ELMO1: variants seen among roughly 807,000 people sequenced by gnomAD.
The protein encoded by ELMO1 is engulfment and cell motility 1.
ELMO1 carries 26 observed loss-of-function variants against 98.9 expected under a neutral mutation model. The ratio of observed to expected loss-of-function variants is 0.26; its 90% confidence interval spans 0.19 to 0.36. ELMO1 has a LOEUF of 0.36. ELMO1 is among the 10% of genes least tolerant of loss of function. ELMO1 has a pLI of 1.00. For synonymous variants in ELMO1, 346 were observed against 346.0 expected (o/e 1.00, Z 0.00); for missense variants, 627 against 935.2 (o/e 0.67, Z 4.30).
At chr7:36,982,147 G>A (rs1351351282) in intron 16 of ELMO1, among the ~76,000 whole-genome samples, 4 of 152,134 alleles carry the variant, frequency 2.6e-5, no homozygotes, top group Non-Finnish European at 5.9e-5. Context: ...GTTATTTATT[G>A]GAAAACTTTG....
intron 13 of ELMO1, among the ~76,000 whole-genome samples, chr7:37,193,955 T>A (rs568479142): frequency 6.6e-6 from 1 of 152,270 alleles, no homozygotes; most frequent in South Asian, 2.1e-4. Context: ...CAGCAACTTG[T>A]CCCTCTAAAT....
intron 16 of ELMO1, among the ~76,000 whole-genome samples, chr7:36,936,793 T>C (rs570794072): frequency 6.6e-6 from 1 of 152,342 alleles, no homozygotes; most frequent in South Asian, 2.1e-4. Context: ...GGTTTTCTGT[T>C]GCTTACAAAT....
intron 16 of ELMO1, among the ~76,000 whole-genome samples, chr7:36,994,524 TTC>T (rs1478530231): frequency 2.0e-5 from 3 of 152,260 alleles, no homozygotes; most frequent in Non-Finnish European, 4.4e-5. Flanking sequence ...TTCTGAGTAC[TTC>T]TGTCATTCTA....
chr7:36,942,678 T>C (rs1287881203), intron 16 of ELMO1, among the ~76,000 whole-genome samples: 1 of 152,218 alleles, frequency 6.6e-6, no homozygotes, highest in East Asian at 1.9e-4. Context: ...AAGCACTTGC[T>C]TTGATGGTGG....
chr7:37,187,740 T>C (rs527245317), intron 13 of ELMO1, among the ~76,000 whole-genome samples: 2 of 152,296 alleles, frequency 1.3e-5, no homozygotes, highest in Non-Finnish European at 2.9e-5. Context: ...TGCACTGAAA[T>C]GTGATAATTT....
At chr7:37,190,040 C>A (rs202053204) in intron 13 of ELMO1, among the ~76,000 whole-genome samples, 316 of 135,602 alleles carry the variant, frequency 2.3e-3, no homozygotes, top group Non-Finnish European at 2.5e-3. Context: ...TTGTCCCTAC[C>A]AAAAAAAAAA....
At chr7:37,303,740 A>C (rs759375388) in intron 4 of ELMO1, among the ~76,000 whole-genome samples, 6 of 152,210 alleles carry the variant, frequency 3.9e-5, no homozygotes, top group Non-Finnish European at 4.4e-5. Flanking sequence ...TCAGTACTTC[A>C]GTCAATCTAT....
At chr7:36,886,421 G>A (rs1441542792) in intron 18 of ELMO1, among the ~76,000 whole-genome samples, 3 of 152,156 alleles carry the variant, frequency 2.0e-5, no homozygotes, top group African/African-American at 4.8e-5. Context: ...GTAAATGGCC[G>A]GGGGATGAGT....
At chr7:37,128,521 T>G (rs1409506660) in intron 14 of ELMO1, among the ~76,000 whole-genome samples, 1 of 147,682 alleles carries the variant, frequency 6.8e-6, no homozygotes, top group Non-Finnish European at 1.5e-5. Context: ...CAATTCCTCC[T>G]CATGTTCTGT....
At chr7:36,913,639 C>T (rs925152276) in intron 16 of ELMO1, among the ~76,000 whole-genome samples, 3 of 152,210 alleles carry the variant, frequency 2.0e-5, no homozygotes, top group Admixed American at 6.5e-5. Context: ...ATGTGTTCTA[C>T]TAGCCCCACC....
intron 16 of ELMO1, among the ~76,000 whole-genome samples, chr7:36,928,811 G>T (rs1313833164): frequency 1.3e-5 from 2 of 152,210 alleles, no homozygotes; most frequent in African/African-American, 2.4e-5. Flanking sequence ...TCTTCCACTA[G>T]ATTAAATGTG....
In ELMO1 at chr7:37,339,251, G is replaced by A. The variant is rs536556183; in HGVS notation, c.78+3362C>T. 1.4e-4 allele frequency among the ~76,000 whole-genome samples: 22 copies of A among 152,344 alleles called. 1 individual carries two copies. The South Asian group carries it at 4.6e-3, about 32-fold the overall frequency. The stretch of plus-strand genomic sequence containing the variant: ...GGCCAGCAGAATCACAATCTCTGCA[G>A]CTGGGGCTGCATTTTGCACAAGCTG... On this transcript the variant is annotated intron_variant, in intron 2 of 21. Coordinates refer to ENST00000310758, the MANE Select transcript of ELMO1 (RefSeq NM_014800.11).
At chr7:37,210,054 A>T (rs1317257524) in intron 13 of ELMO1, among the ~76,000 whole-genome samples, 2 of 152,190 alleles carry the variant, frequency 1.3e-5, no homozygotes, top group Non-Finnish European at 2.9e-5. Flanking sequence ...TTAGGTTTTT[A>T]GGTTTTTTTA....
chr7:37,159,453 C>T (rs920277731), intron 13 of ELMO1, among the ~76,000 whole-genome samples: 10 of 152,150 alleles, frequency 6.6e-5, no homozygotes, highest in African/African-American at 2.4e-4. Flanking sequence ...GTAATTCCAG[C>T]ACTTTGGGAG....
chr7:37,139,073 C>T (rs1471238375), intron 13 of ELMO1, among the ~76,000 whole-genome samples: 1 of 152,028 alleles, frequency 6.6e-6, no homozygotes, highest in Non-Finnish European at 1.5e-5. Flanking sequence ...AGGGATATAC[C>T]TTAAGGTAAT....
intron 16 of ELMO1, chr7:36,919,547 C>T (rs1784973804): frequency 2.7e-6 from 1 of 368,370 alleles, no homozygotes; most frequent in African/African-American, 2.1e-5. Context: ...TGGCATCAAC[C>T]TTGCTGGGTT....
intron 16 of ELMO1, among the ~76,000 whole-genome samples, chr7:36,927,280 G>C (rs893174740): frequency 3.3e-5 from 5 of 152,140 alleles, no homozygotes; most frequent in Admixed American, 1.3e-4. Context: ...TAGCAAATGA[G>C]TTTAATGAAC....
intron 14 of ELMO1, among the ~76,000 whole-genome samples, chr7:37,102,618 C>A (rs1784699940): frequency 6.6e-6 from 1 of 152,210 alleles, no homozygotes; most frequent in Non-Finnish European, 1.5e-5. Context: ...GAAAGCATTT[C>A]TCTCCCAGGC....
chr7:37,269,599 G>A (rs539019097), intron 5 of ELMO1: 201 of 152,486 alleles, frequency 1.3e-3, no homozygotes, highest in Middle Eastern at 3.3e-3. Flanking sequence ...CTGCCACCAC[G>A]CCTGGCTAAT....
Sources: gnomAD v4.1 joint callset for allele counts (sites outside exome capture counted in the v4.1 genomes callset) on GRCh38, gnomAD v4.1.1 for gene constraint, MANE v1.5 for transcripts, NCBI Gene and HGNC (gene_info 2026-07-23, HGNC 2026-07-21) for gene names.